CTNND2: variants seen among roughly 807,000 people sequenced by gnomAD.
CTNND2 encodes catenin delta 2.
In CTNND2, 22 loss-of-function variants were observed where a neutral mutation model predicts 144.4. That is an observed-to-expected ratio of 0.15 (90% CI 0.11 to 0.22). CTNND2 has a LOEUF of 0.22. Ranked by LOEUF, CTNND2 falls within the 10% of genes least tolerant of loss-of-function variation. The pLI, the probability that CTNND2 is intolerant of heterozygous loss-of-function variation, is 1.00. For synonymous variants in CTNND2, 751 were observed against 695.6 expected, an observed-to-expected ratio of 1.08 and a Z score of -1.25; for missense variants, 1,353 against 1,618.8, an observed-to-expected ratio of 0.84 and a Z score of 2.82.
intron 2 of CTNND2, among the ~76,000 whole-genome samples, chr5:11,600,092 T>G (rs1779704890): frequency 6.6e-6 from 1 of 152,184 alleles, no homozygotes; most frequent in Non-Finnish European, 1.5e-5. Flanking sequence ...TGACTTAAAT[T>G]TCCATTCCTC....
intron 1 of CTNND2, among the ~76,000 whole-genome samples, chr5:11,778,373 G>A (rs112778252): frequency 0.013 from 2,040 of 152,208 alleles, 21 homozygotes; most frequent in Middle Eastern, 0.02. Flanking sequence ...TCTTTCAAAT[G>A]GCTTTGAATT....
intron 11 of CTNND2, among the ~76,000 whole-genome samples, chr5:11,196,074 T>C (rs971971388): frequency 5.3e-5 from 8 of 152,254 alleles, no homozygotes; most frequent in African/African-American, 1.9e-4. Flanking sequence ...CATGTAAATA[T>C]CTCAATTTTA....
intron 18 of CTNND2, among the ~76,000 whole-genome samples, chr5:11,000,397 T>G (rs893828783): frequency 6.6e-6 from 1 of 152,140 alleles, no homozygotes; most frequent in Non-Finnish European, 1.5e-5. Context: ...GGTGGGTGCC[T>G]GTAATCCCAG....
At chr5:11,175,085 C>T (rs563599146) in intron 11 of CTNND2, among the ~76,000 whole-genome samples, 5 of 152,074 alleles carry the variant, frequency 3.3e-5, no homozygotes, top group African/African-American at 1.2e-4. Flanking sequence ...TTTGGAATTT[C>T]TATGCTTGTG....
At position 11,116,091 on chromosome 5, in the gene CTNND2, C is replaced by A. The variant is rs140937182; in HGVS notation, c.2277+1359G>T. 3.3e-5 allele frequency among the ~76,000 whole-genome samples: 5 copies of A among 152,316 alleles called. No individual in the cohort carries two copies. In the East Asian group the frequency reaches 9.6e-4, roughly 29 times the overall value. ...ATTACCTGATGAACTTTTAAAGGTA[C>A]ACAAACTTGTGACCAGAGTTAGACA... On this transcript the variant is annotated intron_variant, in intron 13 of 21. Transcript: ENST00000304623.
chr5:10,993,354 G>A (rs1446468987), intron 18 of CTNND2, among the ~76,000 whole-genome samples: 1 of 152,084 alleles, frequency 6.6e-6, no homozygotes, highest in Non-Finnish European at 1.5e-5. Context: ...ATTATTTTGT[G>A]AATTTACAAA....
At chr5:11,584,509 A>G (rs981125124) in intron 2 of CTNND2, among the ~76,000 whole-genome samples, 5 of 151,570 alleles carry the variant, frequency 3.3e-5, no homozygotes, top group Non-Finnish European at 7.4e-5. Flanking sequence ...AAACGCCCAT[A>G]ATGTTGAAAA....
intron 18 of CTNND2, among the ~76,000 whole-genome samples, chr5:11,014,439 C>T (rs1561172266): frequency 1.3e-5 from 2 of 152,182 alleles, no homozygotes; most frequent in Admixed American, 6.5e-5. Flanking sequence ...TGACACAAAA[C>T]ATCTAAGTTC....
Position 11,397,124 on chromosome 5 carries a change from A to G in CTNND2, c.519T>C (p.His173=), listed in dbSNP as rs756266353. The change falls in exon 6 of 22, where the codon CAT becomes CAC. Residue 173 remains histidine (H), a synonymous_variant. Transcript: ENST00000304623. Reference sequence around the variant, plus strand: ...CCCCCAGGGCCAGGGTCTGGTTGCTATGGTAGCTGGCCGGATACTGGAAAG... The same window carrying G: ...CCCCCAGGGCCAGGGTCTGGTTGCTGTGGTAGCTGGCCGGATACTGGAAAG... ...EGSFQYPASY[H]SNQTLALGET... The G allele has an allele frequency of 1.9e-6, 3 of 1,614,160 alleles. No individual in the cohort carries two copies. In the East Asian group the frequency reaches 6.7e-5, roughly 36 times the overall value.
intron 1 of CTNND2, among the ~76,000 whole-genome samples, chr5:11,896,037 G>A (rs1000260398): frequency 3.9e-5 from 6 of 152,054 alleles, no homozygotes; most frequent in African/African-American, 1.4e-4. Flanking sequence ...GAAGACAAAT[G>A]AACAACATAT....
chr5:11,630,717 C>T (rs909920368), intron 2 of CTNND2, among the ~76,000 whole-genome samples: 4 of 151,896 alleles, frequency 2.6e-5, no homozygotes, highest in Non-Finnish European at 4.4e-5. Context: ...TTTGGGAGGC[C>T]GAGGCAGGTG....
At chr5:11,151,546 T>G (rs1018738822) in intron 12 of CTNND2, among the ~76,000 whole-genome samples, 4 of 152,230 alleles carry the variant, frequency 2.6e-5, no homozygotes, top group Non-Finnish European at 5.9e-5. Context: ...AATCCAAATA[T>G]TCATGTCTTC....
chr5:11,673,291 T>C (rs1225769157), intron 2 of CTNND2, among the ~76,000 whole-genome samples: 3 of 152,200 alleles, frequency 2.0e-5, no homozygotes, highest in African/African-American at 7.2e-5. Flanking sequence ...CTGTAGATTT[T>C]CACTTCCTAT....
intron 13 of CTNND2, among the ~76,000 whole-genome samples, chr5:11,117,016 A>G (rs139252471): frequency 1.8e-3 from 279 of 152,114 alleles, no homozygotes; most frequent in African/African-American, 6.3e-3. Context: ...CCTTCATTGC[A>G]CCACTGCACT....
intron 7 of CTNND2, among the ~76,000 whole-genome samples, chr5:11,374,175 G>C (rs548060940): frequency 6.6e-6 from 1 of 152,256 alleles, no homozygotes; most frequent in Admixed American, 6.5e-5. Flanking sequence ...CTAGGGAAAA[G>C]ACCCCTAGAA....
chr5:11,608,988 T>C (rs1207600719), intron 2 of CTNND2, among the ~76,000 whole-genome samples: 1 of 152,138 alleles, frequency 6.6e-6, no homozygotes, highest in Non-Finnish European at 1.5e-5. Flanking sequence ...CTTCCTCAGA[T>C]CCATGAAGCA....
At chr5:11,415,837 C>T (rs900436120) in intron 3 of CTNND2, among the ~76,000 whole-genome samples, 2 of 151,970 alleles carry the variant, frequency 1.3e-5, no homozygotes, top group African/African-American at 4.8e-5. Flanking sequence ...TGACAAGTGC[C>T]ACTTTATGGC....
chr5:11,503,573 A>C (rs1202112604), intron 3 of CTNND2, among the ~76,000 whole-genome samples: 2 of 152,230 alleles, frequency 1.3e-5, no homozygotes, highest in Admixed American at 6.5e-5. Flanking sequence ...GAGGTATCTT[A>C]TGATATTGTT....
intron 1 of CTNND2, among the ~76,000 whole-genome samples, chr5:11,769,828 A>G (rs1789817697): frequency 6.6e-6 from 1 of 152,322 alleles, no homozygotes; most frequent in Admixed American, 6.5e-5. Flanking sequence ...AAATATGTAT[A>G]ATTTTCTGTA....
Sources: allele counts gnomAD v4.1 joint callset (sites outside exome capture counted in the v4.1 genomes callset), GRCh38; gene constraint gnomAD v4.1.1; transcripts MANE v1.5; gene names NCBI Gene and HGNC (gene_info 2026-07-23, HGNC 2026-07-21).